Variants in PDE1C observed in about 807,000 individuals in gnomAD.
PDE1C encodes the protein dual specificity calcium/calmodulin-dependent 3',5'-cyclic nucleotide phosphodiesterase 1C.
A neutral mutation model predicts 93.1 loss-of-function variants in PDE1C; 62 were observed. The observed-to-expected ratio is 0.67, with a 90% CI of 0.54 to 0.82. PDE1C has a LOEUF of 0.82. Ranked by LOEUF, PDE1C falls within the 40% of genes least tolerant of loss-of-function variation. The probability of loss-of-function intolerance (pLI) is 0.00; values close to 1 mark genes in which losing one functional copy is unlikely to be tolerated. For synonymous variants in PDE1C, 325 were observed against 310.1 expected (o/e 1.05, Z -0.50); for missense variants, 742 against 884.6 (o/e 0.84, Z 2.04).
the PDE1C span, among the ~76,000 whole-genome samples, chr7:31,700,044 A>C: frequency 3.3e-5 from 5 of 152,142 alleles, no homozygotes; most frequent in Admixed American, 1.3e-4. Flanking sequence ...AGGGGCCCCT[A>C]AGTGTTCAAC....
intron 2 of PDE1C, among the ~76,000 whole-genome samples, chr7:31,923,385 A>T (rs1019749303): frequency 3.3e-5 from 5 of 152,178 alleles, no homozygotes; most frequent in African/African-American, 1.2e-4. Context: ...GGAGGAGGAC[A>T]GGACAAGTGG....
upstream of PDE1C, chr7:32,070,954 C>A: frequency 1.0e-6 from 1 of 985,574 alleles, no homozygotes; most frequent in Non-Finnish European, 1.2e-6. Context: ...CCTGCCTTCG[C>A]GCCCCTCTGT....
intron 2 of PDE1C, among the ~76,000 whole-genome samples, chr7:32,012,129 A>T (rs1787214741): frequency 6.6e-6 from 1 of 152,236 alleles, no homozygotes; most frequent in African/African-American, 2.4e-5. Flanking sequence ...GAAATACCTG[A>T]GGCTAGGTAA....
At chr7:32,157,844 T>C (rs1801677109) in intron 3 of PDE1C, among the ~76,000 whole-genome samples, 1 of 152,184 alleles carries the variant, frequency 6.6e-6, no homozygotes, top group Admixed American at 6.5e-5. Flanking sequence ...ATTTTATTAG[T>C]CTTGCAATTG....
intron 16 of PDE1C, among the ~76,000 whole-genome samples, chr7:31,794,089 C>CAGATAGATAGATAGAT (rs71559204): frequency 7.3e-5 from 10 of 136,070 alleles, no homozygotes; most frequent in East Asian, 2.1e-4. Context: ...GACAGACAGA[C>CAGATAGATAGATAGAT]AGATAGATAG....
chr7:31,966,628 C>T (rs1584239871), intron 2 of PDE1C, among the ~76,000 whole-genome samples: 1 of 152,200 alleles, frequency 6.6e-6, no homozygotes, highest in Non-Finnish European at 1.5e-5. Context: ...ATCTACAGAA[C>T]TCTCTACCCT....
chr7:31,707,076 A>T, the PDE1C span: 1 of 752,994 alleles, frequency 1.3e-6, no homozygotes, highest in African/African-American at 1.8e-5. Flanking sequence ...TGGTACTGTT[A>T]GCAGGTAACC....
chr7:31,857,041 G>T (rs951502025), intron 7 of PDE1C, among the ~76,000 whole-genome samples: 1 of 151,996 alleles, frequency 6.6e-6, no homozygotes, highest in Admixed American at 6.6e-5. Flanking sequence ...AGTCATAATG[G>T]ATTAGAGCCC....
At chr7:31,794,042 A>AGACG (rs1562807562) in intron 16 of PDE1C, among the ~76,000 whole-genome samples, 60 of 84,686 alleles carry the variant, frequency 7.1e-4, no homozygotes, top group African/African-American at 2.4e-3. Flanking sequence ...ATAGATAGAT[A>AGACG]GACAGACAGA....
At chr7:32,252,334 A>T (rs1809456410) in intron 1 of PDE1C, among the ~76,000 whole-genome samples, 1 of 152,246 alleles carries the variant, frequency 6.6e-6, no homozygotes, top group Non-Finnish European at 1.5e-5. Flanking sequence ...TCCCTCATGG[A>T]ACATATATTC....
the PDE1C span, among the ~76,000 whole-genome samples, chr7:31,723,888 GCAAGCTCCTACCACCCT>G: frequency 9.9e-5 from 15 of 152,246 alleles, no homozygotes; most frequent in East Asian, 2.7e-3. Flanking sequence ...CACATATGAA[GCAAGCTCCTACCACCCT>G]CAGTCTCTCT....
intron 1 of PDE1C, among the ~76,000 whole-genome samples, chr7:32,273,815 T>C (rs1345361009): frequency 1.3e-5 from 2 of 152,238 alleles, no homozygotes; most frequent in African/African-American, 2.4e-5. Context: ...AGAAATCAAA[T>C]GTAAAAGTGT....
intron 7 of PDE1C, among the ~76,000 whole-genome samples, chr7:31,861,013 T>A (rs73306517): frequency 0.021 from 3,241 of 152,288 alleles, 105 homozygotes; most frequent in African/African-American, 0.074. Flanking sequence ...ACCTGCAATT[T>A]TTTTTCTTCA....
At chr7:31,825,040 C>T in intron 12 of PDE1C, 53 bp from the exon 13 acceptor site, 1 of 1,603,934 alleles carries the variant, frequency 6.2e-7, no homozygotes, top group Non-Finnish European at 8.5e-7. Context: ...TTGGGCCTTT[C>T]CATACTTTCC....
chr7:31,784,253 T>C (rs1316839990), intron 16 of PDE1C: 1 of 152,130 alleles, frequency 6.6e-6, no homozygotes, highest in Non-Finnish European at 1.5e-5. Context: ...ATGTATTTAA[T>C]GCATAGGGTG....
At chr7:32,391,560 G>C (rs550563091) in intron 1 of PDE1C, among the ~76,000 whole-genome samples, 16 of 152,130 alleles carry the variant, frequency 1.1e-4, no homozygotes, top group Non-Finnish European at 2.1e-4. Flanking sequence ...CAAGTGCACA[G>C]AGAACATTCT....
intron 1 of PDE1C, among the ~76,000 whole-genome samples, chr7:32,380,242 T>A (rs891002183): frequency 6.6e-5 from 10 of 151,770 alleles, no homozygotes; most frequent in Admixed American, 5.9e-4. Context: ...CTTTTTTTTT[T>A]ATTTATTTTT....
chr7:31,978,339 A>T (rs1309638160), intron 2 of PDE1C, among the ~76,000 whole-genome samples: 1 of 152,124 alleles, frequency 6.6e-6, no homozygotes. Context: ...ATTTTAGAAG[A>T]CTCTTAAATT....
chr7:32,115,520 G>A (rs1180901627), intron 3 of PDE1C, among the ~76,000 whole-genome samples: 2 of 151,928 alleles, frequency 1.3e-5, no homozygotes, highest in East Asian at 1.9e-4. Flanking sequence ...TAATGCATGC[G>A]GGCCTTAAAA....
Sources: allele counts gnomAD v4.1 joint callset (sites outside exome capture counted in the v4.1 genomes callset), GRCh38; gene constraint gnomAD v4.1.1; transcripts MANE v1.5; gene names NCBI Gene and HGNC (gene_info 2026-07-23, HGNC 2026-07-21).